PDZRN3: variants seen among roughly 807,000 people sequenced by gnomAD.
PDZRN3 encodes PDZ domain containing ring finger 3.
Under a neutral mutation model 85.7 loss-of-function variants are expected in PDZRN3, and 38 were observed. The ratio of observed to expected loss-of-function variants is 0.44; its 90% CI spans 0.34 to 0.58. The LOEUF (loss-of-function observed/expected upper bound fraction) is 0.58. Among genes scored for constraint, PDZRN3 ranks in the 20% least tolerant of loss-of-function variants. The pLI is 0.01. For synonymous variants in PDZRN3, 759 were observed against 638.0 expected (o/e 1.19, Z -2.86); for missense variants, 1,629 against 1,506.4 (o/e 1.08, Z -1.35).
At chr3:73,535,088 C>G (rs537734508) in intron 3 of PDZRN3, among the ~76,000 whole-genome samples, 1 of 151,954 alleles carries the variant, frequency 6.6e-6, no homozygotes, top group Non-Finnish European at 1.5e-5. Flanking sequence ...CTGGGTCTGC[C>G]GTGTTGTCTT....
chr3:73,414,730 T>C (rs933184373), intron 3 of PDZRN3, among the ~76,000 whole-genome samples: 3 of 152,236 alleles, frequency 2.0e-5, no homozygotes, highest in African/African-American at 7.2e-5. Context: ...TTTGTTTTCC[T>C]ATAACAGTAA....
At position 73,441,011 on chromosome 3, in the gene PDZRN3, G is replaced by A. The variant is rs182751199; in HGVS notation, c.919-36616C>T. On this transcript the variant is annotated intron_variant, in intron 3 of 9. Transcript: ENST00000263666. ...CCCTTCCAGCATTTTCTGGTGCAGGGGTCGGCAAACTTTTTCTAGAAAGGA... is the reference window on the plus strand; with the variant it reads ...CCCTTCCAGCATTTTCTGGTGCAGGAGTCGGCAAACTTTTTCTAGAAAGGA... Among the ~76,000 whole-genome samples the A allele has an allele frequency of 5.3e-5, 8 of 152,232 alleles. No individual in the cohort carries two copies. In the East Asian group the frequency reaches 1.5e-3, roughly 29 times the overall value.
chr3:73,541,437 G>A (rs1249829025), intron 3 of PDZRN3, among the ~76,000 whole-genome samples: 1 of 152,140 alleles, frequency 6.6e-6, no homozygotes, highest in African/African-American at 2.4e-5. Flanking sequence ...TATGAGTTAT[G>A]TACCATAATT....
intron 3 of PDZRN3, among the ~76,000 whole-genome samples, chr3:73,567,750 A>T (rs1701974612): frequency 6.6e-6 from 1 of 152,194 alleles, no homozygotes; most frequent in African/African-American, 2.4e-5. Context: ...CTCAATGATC[A>T]GCTTAGTCTT....
intron 2 of PDZRN3, among the ~76,000 whole-genome samples, chr3:73,604,228 T>A (rs1702560233): frequency 6.6e-6 from 1 of 152,172 alleles, no homozygotes; most frequent in Non-Finnish European, 1.5e-5. Flanking sequence ...TCTGAACACA[T>A]CCGTGTAGCT....
At chr3:73,444,244 A>C (rs148194257) in intron 3 of PDZRN3, among the ~76,000 whole-genome samples, 1 of 152,148 alleles carries the variant, frequency 6.6e-6, no homozygotes. Flanking sequence ...AATCCCATGC[A>C]TATTAAAGCC....
chr3:73,550,784 T>A (rs184298004), intron 3 of PDZRN3, among the ~76,000 whole-genome samples: 18 of 152,266 alleles, frequency 1.2e-4, no homozygotes, highest in Non-Finnish European at 1.6e-4. Flanking sequence ...AAAGGATGAA[T>A]AAACTGAAAC....
chr3:73,587,071 C>T (rs771825333), intron 3 of PDZRN3, among the ~76,000 whole-genome samples: 5 of 152,180 alleles, frequency 3.3e-5, no homozygotes, highest in Non-Finnish European at 7.4e-5. Flanking sequence ...CCCCAGGGTA[C>T]AATATCAGAA....
intron 1 of PDZRN3, chr3:73,621,693 C>A (rs1702864969): frequency 6.6e-6 from 1 of 152,204 alleles, no homozygotes; most frequent in African/African-American, 2.4e-5. Flanking sequence ...CTATCTAGGG[C>A]AGCTTCTGGG....
At chr3:73,439,893 C>T (rs147738440) in intron 3 of PDZRN3, among the ~76,000 whole-genome samples, 88 of 151,270 alleles carry the variant, frequency 5.8e-4, no homozygotes, top group Non-Finnish European at 1.1e-3. Context: ...CATGCACCAC[C>T]ACATCAAGCT....
intron 3 of PDZRN3, among the ~76,000 whole-genome samples, chr3:73,450,082 C>T (rs901545837): frequency 6.6e-6 from 1 of 152,158 alleles, no homozygotes; most frequent in Non-Finnish European, 1.5e-5. Flanking sequence ...AATTAAAGAC[C>T]TCTGAAGGAA....
At chr3:73,505,833 C>CA (rs1386002755) in intron 3 of PDZRN3, among the ~76,000 whole-genome samples, 1 of 151,816 alleles carries the variant, frequency 6.6e-6, no homozygotes, top group African/African-American at 2.4e-5. Flanking sequence ...AAATTTGAGG[C>CA]AAAAAATAAA....
chr3:73,398,264 A>G (rs899509704), intron 5 of PDZRN3, among the ~76,000 whole-genome samples: 1 of 152,146 alleles, frequency 6.6e-6, no homozygotes, highest in Non-Finnish European at 1.5e-5. Context: ...GACAGTGTGG[A>G]CAATATTCGT....
At chr3:73,568,364 A>T (rs1172977425) in intron 3 of PDZRN3, among the ~76,000 whole-genome samples, 1 of 152,222 alleles carries the variant, frequency 6.6e-6, no homozygotes, top group African/African-American at 2.4e-5. Context: ...TTGAGTTGCT[A>T]CAGAAATAGA....
chr3:73,452,123 A>C (rs1480651751), intron 3 of PDZRN3, among the ~76,000 whole-genome samples: 1 of 152,200 alleles, frequency 6.6e-6, no homozygotes, highest in East Asian at 1.9e-4. Context: ...CACAGCAATA[A>C]GTCTGATTCC....
At chr3:73,416,322 G>A (rs1190293813) in intron 3 of PDZRN3, among the ~76,000 whole-genome samples, 2 of 152,156 alleles carry the variant, frequency 1.3e-5, no homozygotes, top group East Asian at 3.9e-4. Context: ...GACGTGTGAG[G>A]TCTCAAGACA....
At chr3:73,539,569 G>A (rs1338316998) in intron 3 of PDZRN3, among the ~76,000 whole-genome samples, 1 of 152,060 alleles carries the variant, frequency 6.6e-6, no homozygotes, top group Non-Finnish European at 1.5e-5. Context: ...GTATCAAGAA[G>A]CCTGTGTGAG....
At chr3:73,574,015 A>G (rs1418877177) in intron 3 of PDZRN3, among the ~76,000 whole-genome samples, 1 of 152,226 alleles carries the variant, frequency 6.6e-6, no homozygotes, top group African/African-American at 2.4e-5. Context: ...GCATGCAGCT[A>G]GCTTCTTAGT....
chr3:73,497,814 C>A lies in PDZRN3; in HGVS notation c.919-93419G>T, dbSNP rs368127331. On this transcript the variant is annotated intron_variant, in intron 3 of 9. Coordinates refer to ENST00000263666, the MANE Select transcript of PDZRN3 (RefSeq NM_015009.3). Reference sequence around the variant, plus strand: ...CGGCACAGCGCCCCCCGTCCCCGCCCCCGCCAACAGCTCAGCGCAGTGATG... The same window carrying A: ...CGGCACAGCGCCCCCCGTCCCCGCCACCGCCAACAGCTCAGCGCAGTGATG... 3.9e-3 allele frequency among the ~76,000 whole-genome samples: 585 copies of A among 151,696 alleles called. 2 individuals carry two copies. Among genetic ancestry groups the A allele is most frequent in the Non-Finnish European group, 7.0e-3 (478 of 68,028 alleles).
Sources: gnomAD v4.1 joint callset for allele counts (sites outside exome capture counted in the v4.1 genomes callset) on GRCh38, gnomAD v4.1.1 for gene constraint, MANE v1.5 for transcripts, NCBI Gene and HGNC (gene_info 2026-07-23, HGNC 2026-07-21) for gene names.